ADAMTS19: variants seen among roughly 807,000 people sequenced by gnomAD.
The protein encoded by ADAMTS19 is ADAM metallopeptidase with thrombospondin type 1 motif 19, also known as A disintegrin and metalloproteinase with thrombospondin motifs 19.
A neutral mutation model predicts 153.3 loss-of-function variants in ADAMTS19; 93 were observed. That is an observed-to-expected ratio of 0.61 (90% CI 0.51 to 0.72). The LOEUF (loss-of-function observed/expected upper bound fraction) is 0.72, where lower values mean the gene tolerates loss of function less well. Among genes scored for constraint, ADAMTS19 ranks in the 30% least tolerant of loss-of-function variants. The pLI, the probability that ADAMTS19 is intolerant of heterozygous loss-of-function variation, is 0.00. For missense variants in ADAMTS19, 1,482 were observed against 1,552.1 expected, an observed-to-expected ratio of 0.95 and a Z score of 0.76; for synonymous variants, 600 against 556.6, an observed-to-expected ratio of 1.08 and a Z score of -1.10.
At chr5:129,474,039 G>T (rs540797199) in intron 2 of ADAMTS19, among the ~76,000 whole-genome samples, 7 of 151,962 alleles carry the variant, frequency 4.6e-5, no homozygotes, top group Admixed American at 4.6e-4. Flanking sequence ...CAACTAGAAG[G>T]GTCCCTCATC....
chr5:129,582,486 C>T (rs1220107237), intron 7 of ADAMTS19, among the ~76,000 whole-genome samples: 2 of 151,802 alleles, frequency 1.3e-5, no homozygotes, highest in Non-Finnish European at 1.5e-5. Flanking sequence ...CTATGTGTGT[C>T]TTTGCATGTG....
At chr5:129,532,025 T>A (rs1752225615) in intron 6 of ADAMTS19, among the ~76,000 whole-genome samples, 1 of 151,886 alleles carries the variant, frequency 6.6e-6, no homozygotes, top group South Asian at 2.1e-4. Context: ...TCAAAAAGGA[T>A]CACAGAATTA....
At chr5:129,464,208 T>C (rs1749781314) in intron 2 of ADAMTS19, among the ~76,000 whole-genome samples, 1 of 152,218 alleles carries the variant, frequency 6.6e-6, no homozygotes, top group Non-Finnish European at 1.5e-5. Flanking sequence ...TCTTAAAATG[T>C]CTAGAGATCA....
chr5:129,701,494 G>C lies in ADAMTS19; in HGVS notation c.3061G>C (p.Ala1021Pro), dbSNP rs750705272. ...ACTGAGCAATGGAACACTGATTAGA[G>C]CCCGAGAGAGGGACTGCATTGGGCC... ...QQLSNGTLIR[A>P]RERDCIGPKP... Residue 1021 changes from alanine to proline, a missense_variant, in exon 20 of 23, where the codon GCC (alanine) becomes CCC (proline). By Grantham distance (27) the Ala-to-Pro change is conservative. Around this residue, in one of 2 missense-constraint regions of ADAMTS19, gnomAD observed 616 missense variants for 724.4 expected, o/e 0.85. Coordinates refer to ENST00000274487, the MANE Select transcript of ADAMTS19 (RefSeq NM_133638.6). 1.2e-6 allele frequency: 2 copies of C among 1,614,204 alleles called. No homozygotes were observed. The highest frequency in any genetic ancestry group is 1.7e-6 in the Non-Finnish European group (2 of 1,180,034).
chr5:129,611,076 T>A (rs1429103744), intron 8 of ADAMTS19, among the ~76,000 whole-genome samples: 1 of 152,240 alleles, frequency 6.6e-6, no homozygotes, highest in Non-Finnish European at 1.5e-5. Context: ...GTTGGCTGCA[T>A]AAATGTCTTC....
intron 2 of ADAMTS19, among the ~76,000 whole-genome samples, chr5:129,467,040 A>G (rs976763623): frequency 6.6e-6 from 1 of 152,214 alleles, no homozygotes; most frequent in African/African-American, 2.4e-5. Flanking sequence ...CAGAAACAAA[A>G]ACGTATTTTG....
intron 21 of ADAMTS19, among the ~76,000 whole-genome samples, chr5:129,714,165 A>C (rs2127186087): frequency 6.6e-6 from 1 of 151,550 alleles, no homozygotes; most frequent in East Asian, 1.9e-4. Flanking sequence ...CACGCCTGTA[A>C]TCCCAGCACT....
chr5:129,555,102 C>CT (rs1249487620), intron 7 of ADAMTS19, among the ~76,000 whole-genome samples: 8 of 150,768 alleles, frequency 5.3e-5, no homozygotes, highest in African/African-American at 1.7e-4. Flanking sequence ...AGCCATTTTA[C>CT]TTTTTTTTTC....
chr5:129,527,172 T>G (rs1752039827), intron 4 of ADAMTS19, among the ~76,000 whole-genome samples: 1 of 151,892 alleles, frequency 6.6e-6, no homozygotes, highest in Non-Finnish European at 1.5e-5. Context: ...AATTGTGTAC[T>G]CTGTTGGGCA....
At position 129,546,018 on chromosome 5, in the gene ADAMTS19, G is replaced by A. The variant is rs1469365948; in HGVS notation, c.1329-5846G>A. Among the ~76,000 whole-genome samples, 24 of 147,702 alleles carry A rather than the reference G, an allele frequency of 1.6e-4. 1 individual carries two copies. The East Asian group carries it at 2.1e-3, about 13-fold the overall frequency. ...CCAACAATGATAGACTGGATTAAGA[G>A]AATGTGGCACATATACACCATGGAA... On this transcript the variant is annotated intron_variant, in intron 6 of 22. Coordinates refer to ENST00000274487, the MANE Select transcript of ADAMTS19 (RefSeq NM_133638.6).
At chr5:129,555,823 A>G (rs1753292604) in intron 7 of ADAMTS19, among the ~76,000 whole-genome samples, 1 of 152,224 alleles carries the variant, frequency 6.6e-6, no homozygotes. Flanking sequence ...AAATACAACT[A>G]GAAAACTGAA....
At chr5:129,734,814 G>C in intron 21 of ADAMTS19, 118 bp from the exon 22 acceptor site, 1 of 892,762 alleles carries the variant, frequency 1.1e-6, no homozygotes, top group South Asian at 2.6e-5. Context: ...GACTGTGGAT[G>C]TTGCAGCTCA....
At chr5:129,665,025 G>A (rs1336243866) in intron 15 of ADAMTS19, among the ~76,000 whole-genome samples, 8 of 152,070 alleles carry the variant, frequency 5.3e-5, no homozygotes, top group Admixed American at 5.2e-4. Context: ...TCCAGAAAAT[G>A]CTTGGTCTCT....
At chr5:129,617,082 A>C (rs1220025198) in intron 8 of ADAMTS19, among the ~76,000 whole-genome samples, 1 of 152,024 alleles carries the variant, frequency 6.6e-6, no homozygotes, top group Non-Finnish European at 1.5e-5. Flanking sequence ...TATCATTGTC[A>C]GTGGTTAATA....
intron 16 of ADAMTS19, among the ~76,000 whole-genome samples, chr5:129,673,881 A>G (rs77290252): frequency 0.036 from 5,516 of 152,308 alleles, 314 homozygotes; most frequent in African/African-American, 0.13. Flanking sequence ...CTTTAAAAAC[A>G]TGTCTTTTTT....
intron 2 of ADAMTS19, among the ~76,000 whole-genome samples, chr5:129,502,711 G>C (rs1343504855): frequency 6.6e-6 from 1 of 152,178 alleles, no homozygotes; most frequent in Non-Finnish European, 1.5e-5. Context: ...AATCACAGGT[G>C]GAGTGAATAC....
chr5:129,574,410 T>C (rs1166040213), intron 7 of ADAMTS19, among the ~76,000 whole-genome samples: 1 of 151,938 alleles, frequency 6.6e-6, no homozygotes, highest in African/African-American at 2.4e-5. Flanking sequence ...ATCCTCTAAG[T>C]TCCCTCCCCT....
At chr5:129,538,175 A>C (rs1752525233) in intron 6 of ADAMTS19, among the ~76,000 whole-genome samples, 1 of 152,238 alleles carries the variant, frequency 6.6e-6, no homozygotes, top group South Asian at 2.1e-4. Context: ...TCTTATTACA[A>C]ATGCAATATA....
intron 16 of ADAMTS19, among the ~76,000 whole-genome samples, chr5:129,679,364 G>A (rs1428395522): frequency 1.3e-5 from 2 of 152,212 alleles, no homozygotes; most frequent in African/African-American, 4.8e-5. Flanking sequence ...GGGCATAGGA[G>A]AGACAGAGCA....
Sources: gnomAD v4.1 joint callset for allele counts (sites outside exome capture counted in the v4.1 genomes callset) on GRCh38, gnomAD v4.1.1 for gene constraint, gnomAD v4.1.1 regional missense constraint, MANE v1.5 for transcripts, NCBI Gene and HGNC (gene_info 2026-07-23, HGNC 2026-07-21) for gene names.